Variants in C5 observed in about 807,000 individuals in gnomAD.
C5 encodes complement C5, also known as C3 and PZP-like alpha-2-macroglobulin domain-containing protein 4.
A neutral mutation model predicts 218.8 loss-of-function variants in C5; 140 were observed. That is an observed-to-expected ratio of 0.64 (90% confidence interval 0.56 to 0.74). The LOEUF is 0.74. Among genes scored for constraint, C5 ranks in the 30% least tolerant of loss-of-function variants. The probability of loss-of-function intolerance (pLI) is 0.00; values close to 1 mark genes in which losing one functional copy is unlikely to be tolerated. For synonymous variants in C5, 614 were observed against 682.3 expected (o/e 0.90, Z 1.56); for missense variants, 1,700 against 1,969.6 (o/e 0.86, Z 2.59).
chr9:120,976,922 T>C lies in C5; in HGVS notation c.3659-17A>G, dbSNP rs975132044. The stretch of plus-strand genomic sequence containing the variant: ...GTGGATTACCTGAACATCAACAAAT[T>C]CCATTCATTAATATGATTAAAAATG... On this transcript the variant is annotated splice_polypyrimidine_tract_variant and intron_variant, in intron 28 of 40. Transcript: ENST00000223642. 1 of 1,591,378 alleles carries C rather than the reference T, an allele frequency of 6.3e-7. No individual in the cohort carries two copies. The highest frequency in any genetic ancestry group is 1.3e-5 in the African/African-American group (1 of 74,472).
Position 120,995,855 on chromosome 9 carries a change from G to C in C5, c.2851+385C>G, listed in dbSNP as rs142184555. Among the ~76,000 whole-genome samples the C allele has an allele frequency of 6.3e-3, 848 of 134,246 alleles. 5 individuals are homozygous for C. The highest frequency in any genetic ancestry group is 9.9e-3 in the Non-Finnish European group (635 of 64,460). The allele number at this position is 134,246 out of a possible 152,430, so 88.1% of individuals were successfully genotyped here. ...TTTTTTTTTGACACAGTCTTGCTCT[G>C]TCGCCCAGGCTGGAGTGCAGTGGCA... is the stretch of plus-strand genomic sequence containing the variant. On this transcript the variant is annotated intron_variant, in intron 22 of 40. Coordinates refer to ENST00000223642, the MANE Select transcript of C5 (RefSeq NM_001735.3).
Position 120,982,751 on chromosome 9 carries a change from AT to A in C5, c.3293del (p.Asn1098IlefsTer10), listed in dbSNP as rs1277627918. On this transcript the variant is annotated frameshift_variant, in exon 26 of 41. Transcript: ENST00000223642. LOFTEE classifies it high-confidence loss of function. ...GCCACAATAAAGAATTACAAATTGA[AT>A]TTTGGTTCTGCTCTACGTATTTATT... ...QVNKYVEQNQ[N>X]SICNSLLWLV... 6.2e-7 allele frequency: 1 copy of A among 1,605,744 alleles called. No homozygotes were observed. The highest frequency in any genetic ancestry group is 2.2e-5 in the East Asian group (1 of 44,730).
chr9:121,023,549 G>C (rs750495074), intron 9 of C5, 30 bp from the exon 10 acceptor site: 1 of 1,230,964 alleles, frequency 8.1e-7, no homozygotes, highest in Non-Finnish European at 1.2e-6. Flanking sequence ...CATGTTGACA[G>C]TTTTTAGGAG....
chr9:121,043,467 T>C (rs2047598548), intron 2 of C5, among the ~76,000 whole-genome samples: 1 of 152,164 alleles, frequency 6.6e-6, no homozygotes, highest in Admixed American at 6.5e-5. Context: ...ACTCAATTAG[T>C]TTGCTGGGTT....
rs762877245 is a variant in C5, at chr9:121,032,150, T to C, written c.630A>G (p.Ser210=). The C allele has an allele frequency of 1.9e-6, 3 of 1,608,778 alleles. No individual in the cohort carries two copies. Among genetic ancestry groups the C allele is most frequent in the East Asian group, 4.5e-5 (2 of 44,822 alleles). The change falls in exon 6 of 41, where the codon TCA becomes TCG. Residue 210 remains serine, a synonymous_variant. Coordinates refer to ENST00000223642, the MANE Select transcript of C5 (RefSeq NM_001735.3). ...CTTCAAAATATGCGGTTCCAGTTGT[T>C]GAAAAGTCCTCTTTATATTTAGCCT... ...TIKAKYKEDF[S]TTGTAYFEVK...
chr9:120,996,355 T>TTGA, intron 21 of C5, 55 bp from the exon 22 acceptor site: 1 of 1,470,760 alleles, frequency 6.8e-7, no homozygotes, highest in Non-Finnish European at 9.5e-7. Flanking sequence ...ATAACCTGAA[T>TTGA]TCCCTGGATC....
chr9:121,058,625 G>A, the C5 span, among the ~76,000 whole-genome samples: 19 of 151,874 alleles, frequency 1.3e-4, no homozygotes, highest in African/African-American at 2.9e-4. Flanking sequence ...TTTTAGTAGA[G>A]ATGGGGTTTC....
chr9:120,956,934 G>A (rs2046789037), intron 39 of C5: 2 of 330,126 alleles, frequency 6.1e-6, no homozygotes, highest in Non-Finnish European at 1.2e-5. Flanking sequence ...CTTATTACCT[G>A]GGTGACAAAA....
At chr9:120,994,600 A>T (rs1004486631) in intron 22 of C5, among the ~76,000 whole-genome samples, 3 of 152,094 alleles carry the variant, frequency 2.0e-5, no homozygotes, top group East Asian at 1.9e-4. Flanking sequence ...CACAAAAAAA[A>T]AATAATAAAT....
intron 6 of C5, 149 bp from the exon 7 acceptor site, chr9:121,030,636 C>T (rs1355581823): frequency 3.4e-6 from 2 of 583,918 alleles, no homozygotes; most frequent in Middle Eastern, 3.6e-4. Context: ...TCGTCATCAT[C>T]GTCATCACCA....
chr9:121,019,870 T>G, intron 12 of C5, 106 bp downstream of exon 12: 1 of 734,882 alleles, frequency 1.4e-6, no homozygotes. Flanking sequence ...CTCTTGAAAG[T>G]GCTTTGGGAA....
At chr9:121,008,716 G>A (rs903720041) in intron 17 of C5, among the ~76,000 whole-genome samples, 3 of 152,102 alleles carry the variant, frequency 2.0e-5, no homozygotes, top group Non-Finnish European at 4.4e-5. Context: ...GATCACCTGA[G>A]GTCAGGAATT....
chr9:121,007,110 T>G, intron 18 of C5, 133 bp from the exon 19 acceptor site: 1 of 703,136 alleles, frequency 1.4e-6, no homozygotes, highest in Non-Finnish European at 2.6e-6. Context: ...TGAAATCACA[T>G]CATTAAGGAA....
At chr9:120,957,927 A>T (rs928291225) in intron 38 of C5, among the ~76,000 whole-genome samples, 2 of 152,192 alleles carry the variant, frequency 1.3e-5, no homozygotes, top group Non-Finnish European at 2.9e-5. Flanking sequence ...TTTTCCCTTC[A>T]TTCAGATATC....
chr9:121,034,997 T>C (rs2047511552), intron 4 of C5, 103 bp from the exon 5 acceptor site: 2 of 639,812 alleles, frequency 3.1e-6, no homozygotes, highest in South Asian at 1.9e-5. Flanking sequence ...GATCAAATAT[T>C]TGAAGACAAA....
intron 7 of C5, among the ~76,000 whole-genome samples, chr9:121,028,820 C>A (rs978593757): frequency 1.3e-5 from 2 of 151,962 alleles, no homozygotes; most frequent in Non-Finnish European, 2.9e-5. Context: ...GTACATGTAC[C>A]CTAGAACTTA....
chr9:120,973,303 G>A (rs2046928366), intron 30 of C5, among the ~76,000 whole-genome samples: 1 of 152,148 alleles, frequency 6.6e-6, no homozygotes, highest in South Asian at 2.1e-4. Context: ...TCAGGTAGCT[G>A]GAAGGTCAAG....
intron 22 of C5, among the ~76,000 whole-genome samples, chr9:120,995,758 T>C (rs1288989813): frequency 6.6e-6 from 1 of 152,042 alleles, no homozygotes; most frequent in Non-Finnish European, 1.5e-5. Flanking sequence ...GTCTCAGTCA[T>C]TCAGATTATA....
At chr9:120,973,703 G>A (rs761948966) in intron 30 of C5, among the ~76,000 whole-genome samples, 29 of 152,252 alleles carry the variant, frequency 1.9e-4, no homozygotes, top group Non-Finnish European at 3.5e-4. Context: ...TCTCTGCTGG[G>A]CATGGTGGCT....
Sources: gnomAD v4.1 joint callset for allele counts (sites outside exome capture counted in the v4.1 genomes callset) on GRCh38, gnomAD v4.1.1 for gene constraint, MANE v1.5 for transcripts, NCBI Gene and HGNC (gene_info 2026-07-23, HGNC 2026-07-21) for gene names.